The following AGFG2 variants were observed in gnomAD, a reference collection of about 807,000 sequenced individuals.
AGFG2 encodes arf-GAP domain and FG repeat-containing protein 2.
AGFG2 carries 31 observed loss-of-function variants against 48.0 expected under a neutral mutation model. The observed-to-expected ratio is 0.65, with a 90% CI of 0.49 to 0.87. AGFG2 has a LOEUF of 0.87. Ranked by LOEUF, AGFG2 falls within the 40% of genes least tolerant of loss-of-function variation. AGFG2 has a pLI of 0.00. For synonymous variants in AGFG2, 229 were observed against 260.8 expected, an observed-to-expected ratio of 0.88 and a Z score of 1.18; for missense variants, 599 against 632.6, an observed-to-expected ratio of 0.95 and a Z score of 0.57.
At chr7:100,554,309 A>G (rs773821277) in intron 5 of AGFG2, 51 bp downstream of exon 5, 27 of 1,548,012 alleles carry the variant, frequency 1.7e-5, no homozygotes, top group South Asian at 1.2e-4. Flanking sequence ...TGCTTACAAC[A>G]TGAGAGATCC....
At position 100,562,289 on chromosome 7, in the gene AGFG2, C is replaced by T. The variant is rs1800891293; in HGVS notation, c.908C>T (p.Thr303Ile). 8 of 1,613,954 alleles carry T rather than the reference C, an allele frequency of 5.0e-6. No individual in the cohort carries two copies. In the South Asian group the frequency reaches 5.5e-5, roughly 11 times the overall value. The change falls in exon 7 of 12, where the codon ACT becomes ATT. Residue 303 changes from threonine (T) to isoleucine (I), a missense_variant. Thr to Ile is a moderately conservative substitution (Grantham distance 89). Coordinates refer to ENST00000300176, the MANE Select transcript of AGFG2 (RefSeq NM_006076.5). The surrounding 1 kb of genome is among the most constrained non-coding windows in gnomAD (Gnocchi z 5.4). Reference sequence around the variant, plus strand: ...AGCCAGGGGACTCCATTTGGTGCCACTCCCCTGGCACCCGCCAGTCAGCCA... The same window carrying T: ...AGCCAGGGGACTCCATTTGGTGCCATTCCCCTGGCACCCGCCAGTCAGCCA... ...GSSQGTPFGA[T>I]PLAPASQPNS...
chr7:100,540,390 A>T (rs1240721512), intron 1 of AGFG2, among the ~76,000 whole-genome samples: 1 of 152,112 alleles, frequency 6.6e-6, no homozygotes, highest in Admixed American at 6.6e-5. Flanking sequence ...CCATGACTGG[A>T]TCCTGGTGGT....
Position 100,562,496 on chromosome 7 carries a change from T to A in AGFG2, c.999-98T>A, listed in dbSNP as rs73711133. 5.6e-6 allele frequency: 9 copies of A among 1,600,992 alleles called. No individual in the cohort carries two copies. In the South Asian group the frequency reaches 8.9e-5, roughly 16 times the overall value. On this transcript the variant is annotated intron_variant, in intron 7 of 11. Transcript: ENST00000300176. This position sits in a 1 kb window ranked among gnomAD's most constrained non-coding sequence, Gnocchi z 5.4. ...AGTTCTCCCCTCCCCTCCTCTCCCT[T>A]ACTCACCCTGGAGAGCAGGGTTGGC...
rs1035392417 is a variant in AGFG2 at position 100,565,217 on chromosome 7, C to G, written c.*226C>G. 1.7e-6 allele frequency: 1 copy of G among 599,988 alleles called. No individual in the cohort carries two copies. The highest frequency in any genetic ancestry group is 3.0e-5 in the Admixed American group (1 of 33,734). The allele number at this position is 599,988 out of a possible 1,614,324, so 37.2% of individuals were successfully genotyped here. A position where few individuals can be genotyped will look rare whatever the true frequency, so the allele number is the denominator to read the frequency against. On this transcript the variant is annotated 3_prime_UTR_variant, in exon 12 of 12. Transcript: ENST00000300176. ...CCAGGCAGGAAGCCCAGGAGGAGTGCGGGCAGGGCCTGACCTGGAGGAGTG... is the reference window on the plus strand; with the variant it reads ...CCAGGCAGGAAGCCCAGGAGGAGTGGGGGCAGGGCCTGACCTGGAGGAGTG...
intron 1 of AGFG2, among the ~76,000 whole-genome samples, chr7:100,544,558 C>G (rs1800477837): frequency 6.6e-6 from 1 of 152,132 alleles, no homozygotes. Flanking sequence ...TTAGTCCCAT[C>G]CCTCCATCCC....
At chr7:100,550,549 C>G (rs998773866) in intron 3 of AGFG2, 38 bp downstream of exon 3, 2 of 1,490,756 alleles carry the variant, frequency 1.3e-6, no homozygotes, top group Admixed American at 3.4e-5. Flanking sequence ...GAAACGTGTT[C>G]AAGACATTCT....
At chr7:100,544,180 G>T (rs568242719) in intron 1 of AGFG2, among the ~76,000 whole-genome samples, 1 of 152,284 alleles carries the variant, frequency 6.6e-6, no homozygotes, top group East Asian at 1.9e-4. Context: ...TTGACACCCA[G>T]TTTTTTCAGC....
chr7:100,562,520 G>A lies in AGFG2; in HGVS notation c.999-74G>A. The A allele has an allele frequency of 6.2e-7, 1 of 1,607,708 alleles. No homozygotes were observed. Among genetic ancestry groups the A allele is most frequent in the Non-Finnish European group, 8.5e-7 (1 of 1,176,260 alleles). On this transcript the variant is annotated intron_variant, in intron 7 of 11. Transcript: ENST00000300176. The surrounding 1 kb of genome is among the most constrained non-coding windows in gnomAD (Gnocchi z 5.4). ...TTACTCACCCTGGAGAGCAGGGTTG[G>A]CATCTCCTGGCCCCTTGCTCAGGTT...
chr7:100,554,937 CAA>C (rs749887106), intron 5 of AGFG2, among the ~76,000 whole-genome samples: 17 of 57,568 alleles, frequency 3.0e-4, no homozygotes, highest in African/African-American at 6.4e-4. Flanking sequence ...GACTCCGTCT[CAA>C]AAAAAAAAAA....
At chr7:100,554,829 T>C (rs2131114772) in intron 5 of AGFG2, among the ~76,000 whole-genome samples, 1 of 151,604 alleles carries the variant, frequency 6.6e-6, no homozygotes, top group African/African-American at 2.4e-5. Context: ...TCCCAGCTAC[T>C]TGGGAGGCTA....
rs1264012387 is a variant in AGFG2, at chr7:100,565,030, G to A, written c.*39G>A. The A allele has an allele frequency of 1.3e-6, 2 of 1,599,388 alleles. No homozygotes were observed. Among genetic ancestry groups the A allele is most frequent in the Middle Eastern group, 1.7e-4 (1 of 6,038 alleles). On this transcript the variant is annotated 3_prime_UTR_variant, in exon 12 of 12. Coordinates refer to ENST00000300176, the MANE Select transcript of AGFG2 (RefSeq NM_006076.5). ...GGGGGCCTCTTCCCTGCCTTCTGGG[G>A]CCCCTCTGCTCCCTAGAGCTCTGGT...
At chr7:100,554,034 A>C in intron 4 of AGFG2, 59 bp from the exon 5 acceptor site, 7 of 1,554,044 alleles carry the variant, frequency 4.5e-6, no homozygotes, top group Non-Finnish European at 6.1e-6. Context: ...GGGGAGCCAG[A>C]GGAGGGCCTG....
At chr7:100,548,749 C>A in intron 1 of AGFG2, 73 bp from the exon 2 acceptor site, 12 of 1,168,014 alleles carry the variant, frequency 1.0e-5, no homozygotes, top group African/African-American at 1.5e-5. Flanking sequence ...TCTCCCTCCT[C>A]CTCCTCCTCC....
At chr7:100,545,477 G>A (rs765528947) in intron 1 of AGFG2, among the ~76,000 whole-genome samples, 30 of 152,274 alleles carry the variant, frequency 2.0e-4, no homozygotes, top group Non-Finnish European at 3.7e-4. Context: ...AAATAATTCA[G>A]AATACTTCAT....
At chr7:100,540,127 A>C (rs1340153740) in intron 1 of AGFG2, among the ~76,000 whole-genome samples, 2 of 152,012 alleles carry the variant, frequency 1.3e-5, no homozygotes, top group East Asian at 3.9e-4. Flanking sequence ...ATTAAAAAAA[A>C]AAAAAAAAGC....
chr7:100,554,030 C>G (rs995350902), intron 4 of AGFG2, 63 bp from the exon 5 acceptor site: 2 of 1,547,162 alleles, frequency 1.3e-6, no homozygotes, highest in African/African-American at 2.7e-5. Flanking sequence ...ACCTGGGGAG[C>G]CAGAGGAGGG....
rs546849028 is a variant in AGFG2, at chr7:100,562,780, G to C, written c.1088-83G>C. ...GGGAAGGGGAGAGATTGAGAGGAATGCTCAGGCATCACAGGATGAAGCACG... is the reference window on the plus strand; with the variant it reads ...GGGAAGGGGAGAGATTGAGAGGAATCCTCAGGCATCACAGGATGAAGCACG... On this transcript the variant is annotated intron_variant, in intron 8 of 11. Coordinates refer to ENST00000300176, the MANE Select transcript of AGFG2 (RefSeq NM_006076.5). This position sits in a 1 kb window ranked among gnomAD's most constrained non-coding sequence, Gnocchi z 5.4. 5 of 1,595,160 alleles carry C rather than the reference G, an allele frequency of 3.1e-6. No homozygotes were observed. In the African/African-American group the frequency reaches 5.4e-5, roughly 17 times the overall value.
rs985605570 is a variant in AGFG2 at position 100,562,107 on chromosome 7, TC to T, written c.878-149del. On this transcript the variant is annotated intron_variant, in intron 6 of 11. Coordinates refer to ENST00000300176, the MANE Select transcript of AGFG2 (RefSeq NM_006076.5). This position sits in a 1 kb window ranked among gnomAD's most constrained non-coding sequence, Gnocchi z 5.4. ...AGACAAGACCTCCTGAACTGGGTGG[TC>T]CCTGAGAAAATGGGCTGCCTCAGAG... is the stretch of plus-strand genomic sequence containing the variant. 13 of 1,042,098 alleles carry T rather than the reference TC, an allele frequency of 1.2e-5. No homozygotes were observed. Among genetic ancestry groups the T allele is most frequent in the Middle Eastern group, 2.1e-4 (1 of 4,700 alleles). The allele number at this position is 1,042,098 out of a possible 1,614,324, so 64.6% of individuals were successfully genotyped here.
At position 100,539,429 on chromosome 7, in the gene AGFG2, T is replaced by A. The variant is rs758280979; in HGVS notation, c.83T>A (p.Val28Glu). ...GCGGAGGCGGAGGCGGCCTCGGAGG[T>A]GTGGTGCCGTCGGGTGCGGGAGCTG... ...GKAEAEAASE[V>E]WCRRVRELGG... The change falls in exon 1 of 12, where the codon GTG becomes GAG. Residue 28 changes from valine (V) to glutamate (E), a missense_variant. Transcript: ENST00000300176. 7.6e-7 allele frequency: 1 copy of A among 1,315,656 alleles called. No individual in the cohort carries two copies. The highest frequency in any genetic ancestry group is 2.1e-5 in the South Asian group (1 of 47,976). 81.5% of individuals were successfully genotyped at this position (1,315,656 alleles called of 1,614,324 possible). A position where few individuals can be genotyped will look rare whatever the true frequency, so the allele number is the denominator to read the frequency against.
Sources: allele counts gnomAD v4.1 joint callset (sites outside exome capture counted in the v4.1 genomes callset), GRCh38; gene constraint gnomAD v4.1.1; non-coding constraint Gnocchi (gnomAD v3.1); transcripts MANE v1.5; gene names NCBI Gene and HGNC (gene_info 2026-07-23, HGNC 2026-07-21).